The following CNTN4 variants were observed in gnomAD, a reference collection of about 807,000 sequenced individuals.
CNTN4 encodes contactin 4.
In CNTN4, 77 loss-of-function variants were observed where a neutral mutation model predicts 122.5. That is an observed-to-expected ratio of 0.63 (90% CI 0.52 to 0.76). The LOEUF is 0.76. CNTN4 is among the 30% of genes least tolerant of loss of function. CNTN4 has a pLI of 0.00. For missense variants in CNTN4, 1,256 were observed against 1,259.1 expected (o/e 1.00, Z 0.04); for synonymous variants, 512 against 447.0 (o/e 1.15, Z -1.83).
intron 2 of CNTN4, among the ~76,000 whole-genome samples, chr3:2,238,199 A>C (rs1344585317): frequency 6.6e-6 from 1 of 152,152 alleles, no homozygotes. Context: ...GTAAATAATT[A>C]TATGGTGAAG....
chr3:2,161,343 C>A (rs1028824200), intron 2 of CNTN4, among the ~76,000 whole-genome samples: 14 of 152,010 alleles, frequency 9.2e-5, no homozygotes, highest in East Asian at 1.9e-4. Context: ...AGAAAAATAT[C>A]ATCACCAGAT....
chr3:2,701,644 G>T (rs999342398), intron 4 of CNTN4, among the ~76,000 whole-genome samples: 2 of 152,110 alleles, frequency 1.3e-5, no homozygotes, highest in Non-Finnish European at 2.9e-5. Context: ...GACAGCAGTG[G>T]TAACATCCTT....
intron 2 of CNTN4, among the ~76,000 whole-genome samples, chr3:2,257,685 T>A (rs1207891654): frequency 6.6e-6 from 1 of 152,166 alleles, no homozygotes; most frequent in African/African-American, 2.4e-5. Context: ...GAAAAAACAC[T>A]TATCATCACT....
At chr3:2,826,409 CCCATACAGATTATAA>C (rs1182810162) in intron 7 of CNTN4, among the ~76,000 whole-genome samples, 1 of 152,136 alleles carries the variant, frequency 6.6e-6, no homozygotes, top group African/African-American at 2.4e-5. Context: ...CGTGGACATA[CCCATACAGATTATAA>C]CCACAGCCCT....
chr3:2,255,592 C>T (rs2040552484), intron 2 of CNTN4, among the ~76,000 whole-genome samples: 3 of 152,308 alleles, frequency 2.0e-5, no homozygotes, highest in Admixed American at 1.3e-4. Context: ...AACAGTCTCT[C>T]AGACCACAGT....
intron 4 of CNTN4, among the ~76,000 whole-genome samples, chr3:2,626,557 G>A (rs2082199221): frequency 2.0e-5 from 3 of 151,706 alleles, no homozygotes; most frequent in Admixed American, 1.3e-4. Flanking sequence ...GGGTAAAAAG[G>A]ACTAAATAAA....
intron 3 of CNTN4, among the ~76,000 whole-genome samples, chr3:2,519,890 C>T (rs1000187713): frequency 6.6e-6 from 1 of 152,112 alleles, no homozygotes; most frequent in Non-Finnish European, 1.5e-5. Flanking sequence ...CATGAAGTGG[C>T]ATATACTCTA....
chr3:2,721,862 G>T (rs1442230902), intron 4 of CNTN4, among the ~76,000 whole-genome samples: 3 of 152,110 alleles, frequency 2.0e-5, no homozygotes, highest in African/African-American at 7.2e-5. Context: ...TGGGCCTTTG[G>T]GAAGGGATTA....
In CNTN4 at chr3:2,494,014, G is replaced by A. The variant is rs574696441; in HGVS notation, c.-88-77402G>A. On this transcript the variant is annotated intron_variant, in intron 3 of 24. Coordinates refer to ENST00000418658, the MANE Select transcript of CNTN4 (RefSeq NM_175607.3). The stretch of plus-strand genomic sequence containing the variant: ...CTATAGAACTGTTATACCAGTCCTG[G>A]ATTGTTTATTAGGATTTTTTTTTTT... Among the ~76,000 whole-genome samples, 7 of 151,952 alleles carry A rather than the reference G, an allele frequency of 4.6e-5. No individual in the cohort carries two copies. In the East Asian group the frequency reaches 1.2e-3, roughly 25 times the overall value.
chr3:2,994,679 T>C (rs979590675), intron 14 of CNTN4, among the ~76,000 whole-genome samples: 2 of 151,788 alleles, frequency 1.3e-5, no homozygotes, highest in African/African-American at 4.8e-5. Context: ...GCGCACTATA[T>C]AAAATTCTTC....
chr3:2,286,034 G>C (rs1003039887), intron 2 of CNTN4, among the ~76,000 whole-genome samples: 1 of 151,984 alleles, frequency 6.6e-6, no homozygotes, highest in Non-Finnish European at 1.5e-5. Flanking sequence ...TAAGAAAGTT[G>C]TATCAATTTA....
At chr3:2,358,371 T>C (rs2044966285) in intron 3 of CNTN4, among the ~76,000 whole-genome samples, 1 of 152,036 alleles carries the variant, frequency 6.6e-6, no homozygotes. Flanking sequence ...GTGCTTGGCA[T>C]AGGAAGCACT....
intron 3 of CNTN4, among the ~76,000 whole-genome samples, chr3:2,486,281 G>C (rs2151626958): frequency 6.6e-6 from 1 of 152,194 alleles, no homozygotes; most frequent in East Asian, 1.9e-4. Flanking sequence ...TTTAAGAACT[G>C]TAACACTCAC....
intron 7 of CNTN4, among the ~76,000 whole-genome samples, chr3:2,856,121 G>A (rs1389165539): frequency 2.0e-5 from 3 of 152,102 alleles, no homozygotes; most frequent in Non-Finnish European, 4.4e-5. Context: ...ATTCCACTTC[G>A]ATTCAACTAA....
At chr3:2,471,080 T>C (rs920695820) in intron 3 of CNTN4, among the ~76,000 whole-genome samples, 18 of 152,202 alleles carry the variant, frequency 1.2e-4, no homozygotes, top group African/African-American at 4.3e-4. Context: ...CTATAGGAAT[T>C]CATAGGAGGG....
chr3:2,235,424 T>G (rs1403634), intron 2 of CNTN4, among the ~76,000 whole-genome samples: 115,940 of 152,030 alleles, frequency 0.76, 44,344 homozygotes, highest in Middle Eastern at 0.82. Flanking sequence ...AAATATTTAA[T>G]ATTTAAAAAT....
chr3:2,449,614 CAAAA>C (rs34181793), intron 3 of CNTN4, among the ~76,000 whole-genome samples: 48,969 of 125,814 alleles, frequency 0.39, 9,926 homozygotes, highest in East Asian at 0.75. Context: ...GACTCCATCT[CAAAA>C]AAAAAAAAAA....
chr3:2,940,973 G>A (rs2094609785), intron 13 of CNTN4, among the ~76,000 whole-genome samples: 1 of 152,122 alleles, frequency 6.6e-6, no homozygotes, highest in Non-Finnish European at 1.5e-5. Context: ...GCTCTAAAGG[G>A]TTTTATTCCA....
intron 3 of CNTN4, among the ~76,000 whole-genome samples, chr3:2,491,656 A>G (rs1383659586): frequency 1.3e-5 from 2 of 152,184 alleles, no homozygotes; most frequent in African/African-American, 4.8e-5. Context: ...CAACTATCCT[A>G]TCCAACCTGT....
Sources: allele counts gnomAD v4.1 joint callset (sites outside exome capture counted in the v4.1 genomes callset), GRCh38; gene constraint gnomAD v4.1.1; transcripts MANE v1.5; gene names NCBI Gene and HGNC (gene_info 2026-07-23, HGNC 2026-07-21).